Variants in PLCZ1 observed in about 807,000 individuals in gnomAD.
The protein encoded by PLCZ1 is phospholipase C zeta 1.
A neutral mutation model predicts 76.8 loss-of-function variants in PLCZ1; 64 were observed. That is an observed-to-expected ratio of 0.83 (90% CI 0.68 to 1.03). The LOEUF (loss-of-function observed/expected upper bound fraction) is 1.03, where lower values mean the gene tolerates loss of function less well. Among genes scored for constraint, PLCZ1 ranks in the 50% least tolerant of loss-of-function variants. The pLI is 0.00. For missense variants in PLCZ1, 751 were observed against 713.7 expected (o/e 1.05, Z -0.60); for synonymous variants, 248 against 230.8 (o/e 1.07, Z -0.68).
At chr12:18,700,806 T>C (rs1955791807) in intron 9 of PLCZ1, among the ~76,000 whole-genome samples, 2 of 152,164 alleles carry the variant, frequency 1.3e-5, no homozygotes, top group Admixed American at 6.6e-5. Flanking sequence ...ACATGCAACC[T>C]AATATACTTT....
downstream of PLCZ1, among the ~76,000 whole-genome samples, chr12:18,680,738 G>T (rs1644831716): frequency 6.6e-6 from 1 of 151,990 alleles, no homozygotes; most frequent in Non-Finnish European, 1.5e-5. Context: ...ACACAACATG[G>T]GAAGCCATAG....
the PLCZ1 span, among the ~76,000 whole-genome samples, chr12:18,669,871 A>C: frequency 1.3e-5 from 2 of 152,108 alleles, no homozygotes; most frequent in African/African-American, 4.8e-5. Flanking sequence ...GGGTTTCACC[A>C]CGTTGCTCAG....
intron 3 of PLCZ1, among the ~76,000 whole-genome samples, chr12:18,725,321 A>G (rs1958690393): frequency 6.6e-6 from 1 of 152,138 alleles, no homozygotes; most frequent in African/African-American, 2.4e-5. Flanking sequence ...AGAAGGTGCA[A>G]TTTGAGTGCT....
chr12:18,717,177 G>A (rs1037757293), intron 5 of PLCZ1, among the ~76,000 whole-genome samples: 1 of 151,934 alleles, frequency 6.6e-6, no homozygotes, highest in African/African-American at 2.4e-5. Flanking sequence ...TTCTTGTAAT[G>A]TAAAAGTAAT....
intron 5 of PLCZ1, among the ~76,000 whole-genome samples, chr12:18,719,007 T>C (rs1958274986): frequency 6.6e-6 from 1 of 152,212 alleles, no homozygotes; most frequent in South Asian, 2.1e-4. Context: ...TTGTACAATG[T>C]ACTGTATTTA....
intron 6 of PLCZ1, among the ~76,000 whole-genome samples, chr12:18,707,918 T>C (rs948827835): frequency 1.3e-5 from 2 of 152,208 alleles, no homozygotes; most frequent in African/African-American, 4.8e-5. Context: ...CATGATGTTA[T>C]GGAACACACG....
At chr12:18,670,306 A>C in the PLCZ1 span, among the ~76,000 whole-genome samples, 1 of 152,144 alleles carries the variant, frequency 6.6e-6, no homozygotes, top group African/African-American at 2.4e-5. Context: ...ACACACACAC[A>C]CACACAACAT....
the PLCZ1 span, among the ~76,000 whole-genome samples, chr12:18,650,736 A>G: frequency 1.2e-3 from 35 of 29,522 alleles, no homozygotes; most frequent in African/African-American, 6.8e-3. Flanking sequence ...ATATATATAT[A>G]TATATATATA....
intron 10 of PLCZ1, among the ~76,000 whole-genome samples, chr12:18,699,513 T>G (rs2137235442): frequency 6.6e-6 from 1 of 152,246 alleles, no homozygotes; most frequent in African/African-American, 2.4e-5. Context: ...ACTGCTCTCC[T>G]ATACAAGCTG....
chr12:18,736,215 T>A lies in PLCZ1; in HGVS notation c.135+6A>T, dbSNP rs12300257. ...TAGGATAGGCAGGGGGTGGATGTCATCTTACCTTAAAAATCTGTTTCACAT... is the reference window on the plus strand; with the variant it reads ...TAGGATAGGCAGGGGGTGGATGTCAACTTACCTTAAAAATCTGTTTCACAT... On this transcript the variant is annotated splice_donor_region_variant and intron_variant, in intron 3 of 14. Transcript: ENST00000266505. 1.3e-5 allele frequency: 21 copies of A among 1,611,142 alleles called. No individual in the cohort carries two copies. In the Middle Eastern group the frequency reaches 5.0e-4, roughly 38 times the overall value.
Position 18,736,294 on chromosome 12 carries a change from A to G in PLCZ1, c.62T>C (p.Leu21Pro). The change falls in exon 3 of 15, where the codon CTA becomes CCA. Residue 21 changes from leucine (L) to proline (P), a missense_variant. Coordinates refer to ENST00000266505, the MANE Select transcript of PLCZ1 (RefSeq NM_033123.4). ...TTCAAGTAACCTCTGAGTTTTTTCT[A>G]GGTTAATTTTTCCACCTCTGAAGTC... ...QDDFRGGKIN[L>P]EKTQRLLEKL... The G allele has an allele frequency of 6.2e-7, 1 of 1,612,816 alleles. No homozygotes were observed. Among genetic ancestry groups the G allele is most frequent in the Non-Finnish European group, 8.5e-7 (1 of 1,179,298 alleles).
chr12:18,713,902 GTTTAAATTAA>G (rs1957636667), intron 5 of PLCZ1: 1 of 152,152 alleles, frequency 6.6e-6, no homozygotes, highest in Non-Finnish European at 1.5e-5. Context: ...TACCCACTGT[GTTTAAATTAA>G]TTTTCAGTGT....
chr12:18,691,068 G>A (rs1953998702), intron 12 of PLCZ1, among the ~76,000 whole-genome samples: 1 of 152,138 alleles, frequency 6.6e-6, no homozygotes, highest in South Asian at 2.1e-4. Context: ...CTGATGACAG[G>A]TAGTAAATTC....
At chr12:18,650,390 T>C in the PLCZ1 span, among the ~76,000 whole-genome samples, 1 of 137,180 alleles carries the variant, frequency 7.3e-6, no homozygotes, top group South Asian at 2.2e-4. Context: ...TGTGTCTGTG[T>C]ATACACACAC....
the PLCZ1 span, among the ~76,000 whole-genome samples, chr12:18,650,859 T>C: frequency 1.3e-5 from 2 of 150,798 alleles, no homozygotes; most frequent in East Asian, 3.9e-4. Context: ...GAAAATACTC[T>C]GGTCCAACTT....
At chr12:18,662,588 G>A in the PLCZ1 span, among the ~76,000 whole-genome samples, 1 of 152,050 alleles carries the variant, frequency 6.6e-6, no homozygotes, top group Non-Finnish European at 1.5e-5. Flanking sequence ...TGTAACTTTG[G>A]TCTGCAGCTA....
intron 10 of PLCZ1, among the ~76,000 whole-genome samples, chr12:18,699,490 C>T (rs1234382414): frequency 6.6e-6 from 1 of 152,170 alleles, no homozygotes; most frequent in Non-Finnish European, 1.5e-5. Context: ...CTGCCTCCCT[C>T]TGCAGCCCTG....
the PLCZ1 span, among the ~76,000 whole-genome samples, chr12:18,645,906 T>C: frequency 6.6e-6 from 1 of 152,180 alleles, no homozygotes; most frequent in Non-Finnish European, 1.5e-5. Flanking sequence ...AGTCACACTT[T>C]GAGGGTTCCT....
the PLCZ1 span, among the ~76,000 whole-genome samples, chr12:18,654,893 G>A: frequency 1.3e-4 from 20 of 152,150 alleles, no homozygotes; most frequent in East Asian, 3.9e-3. Flanking sequence ...CAAATGTTTT[G>A]GTCAGAGAGT....
Sources: gnomAD v4.1 joint callset for allele counts (sites outside exome capture counted in the v4.1 genomes callset) on GRCh38, gnomAD v4.1.1 for gene constraint, MANE v1.5 for transcripts, NCBI Gene and HGNC (gene_info 2026-07-23, HGNC 2026-07-21) for gene names.